Variants in PARD3B observed in about 807,000 individuals in gnomAD.
PARD3B encodes par-3 family cell polarity regulator beta, also known as partitioning defective 3 homolog B.
Under a neutral mutation model 130.2 loss-of-function variants are expected in PARD3B, and 103 were observed. The ratio of observed to expected loss-of-function variants is 0.79; its 90% CI spans 0.67 to 0.93. PARD3B has a LOEUF of 0.93. PARD3B is among the 40% of genes least tolerant of loss of function. PARD3B has a pLI of 0.00. For missense variants in PARD3B, 1,609 were observed against 1,499.2 expected (o/e 1.07, Z -1.21); for synonymous variants, 583 against 553.2 (o/e 1.05, Z -0.76).
chr2:205,403,787 T>C (rs2046329966), intron 19 of PARD3B, among the ~76,000 whole-genome samples: 1 of 152,190 alleles, frequency 6.6e-6, no homozygotes, highest in Non-Finnish European at 1.5e-5. Flanking sequence ...AACATAAAAC[T>C]ATTCTTATTT....
intron 3 of PARD3B, among the ~76,000 whole-genome samples, chr2:204,991,851 G>GT (rs1403171978): frequency 1.3e-5 from 2 of 151,110 alleles, no homozygotes; most frequent in African/African-American, 2.4e-5. Flanking sequence ...TTTTTCATGC[G>GT]TTTTTTGGCT....
At chr2:205,318,321 G>A (rs2042629887) in intron 18 of PARD3B, among the ~76,000 whole-genome samples, 4 of 152,154 alleles carry the variant, frequency 2.6e-5, no homozygotes, top group Admixed American at 2.6e-4. Flanking sequence ...GAAAGATGGA[G>A]GACTTTGACC....
At chr2:204,550,999 G>A (rs912075854) in intron 1 of PARD3B, among the ~76,000 whole-genome samples, 2 of 152,190 alleles carry the variant, frequency 1.3e-5, no homozygotes, top group Non-Finnish European at 2.9e-5. Context: ...ACTTACTTGA[G>A]TGCTTTATTT....
chr2:205,338,028 C>T (rs531814290), intron 18 of PARD3B, among the ~76,000 whole-genome samples: 3 of 151,986 alleles, frequency 2.0e-5, no homozygotes, highest in Admixed American at 6.6e-5. Context: ...GTGGCAGACA[C>T]CTGTAATCCC....
At position 205,153,245 on chromosome 2, in the gene PARD3B, T is replaced by G. The variant is rs547456781; in HGVS notation, c.1435-5477T>G. On this transcript the variant is annotated intron_variant, in intron 10 of 22. Transcript: ENST00000406610. ...GGCTACTTGGGGGTCAGGGACCCAC[T>G]TGAAGAGGCAGTCTGTCTGTTCTCA... Among the ~76,000 whole-genome samples the G allele has an allele frequency of 9.2e-5, 14 of 152,330 alleles. No homozygotes were observed. In the South Asian group the frequency reaches 2.7e-3, roughly 29 times the overall value.
intron 22 of PARD3B, among the ~76,000 whole-genome samples, chr2:205,566,082 A>ATT (rs2053322518): frequency 1.3e-5 from 2 of 152,214 alleles, no homozygotes; most frequent in Admixed American, 1.3e-4. Context: ...GTAGGAGAAC[A>ATT]CGTAATGAAC....
chr2:204,840,291 A>C (rs1390197011), intron 2 of PARD3B, among the ~76,000 whole-genome samples: 2 of 152,110 alleles, frequency 1.3e-5, no homozygotes, highest in Non-Finnish European at 2.9e-5. Flanking sequence ...TAATTGAATG[A>C]CCCTTAGCAA....
rs1379427092 is a variant in PARD3B, at chr2:205,590,480, T to G, written c.3261-24976T>G. 6.6e-6 allele frequency among the ~76,000 whole-genome samples: 1 copy of G among 152,280 alleles called. No homozygotes were observed. Among genetic ancestry groups the G allele is most frequent in the Non-Finnish European group, 1.5e-5 (1 of 68,022 alleles). ...CTCAGGTTGCTTTTATCGCGGTATGTTTTTAACCATACACAATCACTGTGC... is the reference window on the plus strand; with the variant it reads ...CTCAGGTTGCTTTTATCGCGGTATGGTTTTAACCATACACAATCACTGTGC... On this transcript the variant is annotated intron_variant, in intron 22 of 22. Coordinates refer to ENST00000406610, the MANE Select transcript of PARD3B (RefSeq NM_001302769.2). This position sits in a 1 kb window ranked among gnomAD's most constrained non-coding sequence, Gnocchi z 4.1.
chr2:205,330,425 C>T lies in PARD3B; in HGVS notation c.2630+28724C>T, dbSNP rs373048327. ...GACTCTTGCTAGCCTTGGCTTGCAA[C>T]AACAGCCAGCCCTCAGGGCTGTTTG... On this transcript the variant is annotated intron_variant, in intron 18 of 22. Transcript: ENST00000406610. 3.9e-5 allele frequency among the ~76,000 whole-genome samples: 6 copies of T among 152,298 alleles called. No individual in the cohort carries two copies. In the East Asian group the frequency reaches 1.2e-3, roughly 30 times the overall value.
intron 2 of PARD3B, among the ~76,000 whole-genome samples, chr2:204,819,769 G>T (rs2043272232): frequency 6.6e-6 from 1 of 152,184 alleles, no homozygotes; most frequent in Non-Finnish European, 1.5e-5. Context: ...CCTCATTGGT[G>T]ATATGGAGAA....
intron 22 of PARD3B, among the ~76,000 whole-genome samples, chr2:205,598,148 C>T (rs749520666): frequency 6.6e-6 from 1 of 152,116 alleles, no homozygotes; most frequent in Non-Finnish European, 1.5e-5. Flanking sequence ...TAAACACTCC[C>T]GTTTAAAAGG....
At chr2:204,929,673 C>G (rs1179150874) in intron 2 of PARD3B, among the ~76,000 whole-genome samples, 1 of 150,918 alleles carries the variant, frequency 6.6e-6, no homozygotes, top group Non-Finnish European at 1.5e-5. Context: ...AAGTGAGAAG[C>G]TTTTATAAAT....
intron 16 of PARD3B, 80 bp downstream of exon 16, chr2:205,245,902 T>G (rs2039551988): frequency 8.5e-6 from 10 of 1,176,594 alleles, no homozygotes; most frequent in Non-Finnish European, 1.3e-5. Flanking sequence ...GGAACCTGTT[T>G]CTATCCACTA....
chr2:205,003,447 C>A (rs1485063028), intron 3 of PARD3B, among the ~76,000 whole-genome samples: 2 of 152,102 alleles, frequency 1.3e-5, no homozygotes, highest in African/African-American at 4.8e-5. Flanking sequence ...ACCTCATGCC[C>A]TACTACTTTT....
chr2:205,155,965 A>G (rs1175400245), intron 10 of PARD3B, among the ~76,000 whole-genome samples: 6 of 152,076 alleles, frequency 3.9e-5, no homozygotes, highest in Middle Eastern at 3.2e-3. Flanking sequence ...ATGCACACGT[A>G]TGTTTATTGC....
At chr2:204,999,753 G>A (rs1461022970) in intron 3 of PARD3B, among the ~76,000 whole-genome samples, 3 of 152,164 alleles carry the variant, frequency 2.0e-5, no homozygotes, top group African/African-American at 7.2e-5. Context: ...AAGTGGTATT[G>A]AGAACTACCC....
chr2:205,382,257 T>C (rs1248562886), intron 18 of PARD3B, among the ~76,000 whole-genome samples: 1 of 152,066 alleles, frequency 6.6e-6, no homozygotes, highest in African/African-American at 2.4e-5. Flanking sequence ...TTCATGACCT[T>C]GTTACTTTGG....
chr2:205,511,668 G>T (rs757191928), intron 21 of PARD3B, among the ~76,000 whole-genome samples: 8 of 152,178 alleles, frequency 5.3e-5, no homozygotes, highest in Non-Finnish European at 8.8e-5. Context: ...TATTTTAGCA[G>T]TGCTTAAATG....
At chr2:205,150,043 C>T (rs528615037) in intron 10 of PARD3B, among the ~76,000 whole-genome samples, 1 of 152,298 alleles carries the variant, frequency 6.6e-6, no homozygotes, top group Admixed American at 6.5e-5. Context: ...TGGGCAGGTG[C>T]TGGGCATTAG....
Sources: allele counts gnomAD v4.1 joint callset (sites outside exome capture counted in the v4.1 genomes callset), GRCh38; gene constraint gnomAD v4.1.1; non-coding constraint Gnocchi (gnomAD v3.1); transcripts MANE v1.5; gene names NCBI Gene and HGNC (gene_info 2026-07-23, HGNC 2026-07-21).